Variants in DOCK7 observed in about 807,000 individuals in gnomAD.
DOCK7 encodes the protein dedicator of cytokinesis 7.
DOCK7 carries 138 observed loss-of-function variants against 271.0 expected under a neutral mutation model. The observed-to-expected ratio is 0.51, with a 90% CI of 0.44 to 0.59. DOCK7 has a LOEUF of 0.59. DOCK7 is among the 20% of genes least tolerant of loss of function. DOCK7 has a pLI of 0.00. For missense variants in DOCK7, 2,066 were observed against 2,592.4 expected, an observed-to-expected ratio of 0.80 and a Z score of 4.41; for synonymous variants, 823 against 876.1, an observed-to-expected ratio of 0.94 and a Z score of 1.07.
At chr1:62,570,006 G>A (rs531101368) in intron 18 of DOCK7, among the ~76,000 whole-genome samples, 1 of 151,996 alleles carries the variant, frequency 6.6e-6, no homozygotes, top group Admixed American at 6.6e-5. Context: ...GGGCCACTGC[G>A]TCCAGCCACC....
chr1:62,645,317 T>G (rs191095013), intron 7 of DOCK7, among the ~76,000 whole-genome samples: 1 of 152,030 alleles, frequency 6.6e-6, no homozygotes, highest in Admixed American at 6.6e-5. Flanking sequence ...ATGTGGCATA[T>G]GCATCAATGG....
Position 62,527,601 on chromosome 1 carries a change from C to G in DOCK7, c.3936+550G>C, listed in dbSNP as rs1428201678. ...TAGGGACATGGACGAAGCTGGAAAC[C>G]ATCATTCTCAGCAAACTATTGCAAG... On this transcript the variant is annotated intron_variant, in intron 31 of 49. Coordinates refer to ENST00000635253, the MANE Select transcript of DOCK7 (RefSeq NM_001367561.1). Among the ~76,000 whole-genome samples, 3 of 151,914 alleles carry G rather than the reference C, an allele frequency of 2.0e-5. No homozygotes were observed. The East Asian group carries it at 5.8e-4, about 29-fold the overall frequency.
chr1:62,516,868 C>A (rs969551502), intron 31 of DOCK7: 1 of 152,362 alleles, frequency 6.6e-6, no homozygotes, highest in Non-Finnish European at 1.5e-5. Flanking sequence ...CATGGTCAAT[C>A]ATTAACAAAA....
chr1:62,600,363 A>G (rs1649927175), intron 14 of DOCK7, among the ~76,000 whole-genome samples: 2 of 151,814 alleles, frequency 1.3e-5, no homozygotes, highest in South Asian at 4.1e-4. Context: ...AATACCCAGC[A>G]AGCAAACTTT....
chr1:62,470,878 T>G (rs567939053), intron 48 of DOCK7, among the ~76,000 whole-genome samples: 26 of 152,138 alleles, frequency 1.7e-4, no homozygotes, highest in African/African-American at 6.0e-4. Flanking sequence ...AAAATTATGA[T>G]GTCTGTAAAG....
chr1:62,589,287 C>A (rs941301958), intron 14 of DOCK7, among the ~76,000 whole-genome samples: 13 of 152,096 alleles, frequency 8.5e-5, no homozygotes, highest in African/African-American at 3.1e-4. Context: ...TATTTTTTAG[C>A]ATCATTTATA....
At chr1:62,634,959 A>T in intron 8 of DOCK7, 37 bp from the exon 9 acceptor site, 1 of 1,455,104 alleles carries the variant, frequency 6.9e-7, no homozygotes, top group Non-Finnish European at 9.5e-7. Flanking sequence ...TAAAATATGT[A>T]CATTTTACAG....
At position 62,455,081 on chromosome 1, in the gene DOCK7, A is replaced by C. The variant is rs1335364776; in HGVS notation, c.*333T>G. ...TTACTACATTTAAAATGGTTCCAAA[A>C]TGAATCTATAAATGGTAATATAAAT... On this transcript the variant is annotated 3_prime_UTR_variant, in exon 50 of 50. Transcript: ENST00000635253. The C allele has an allele frequency of 8.2e-6, 4 of 489,640 alleles. No homozygotes were observed. Among genetic ancestry groups the C allele is most frequent in the Non-Finnish European group, 1.4e-5 (4 of 279,396 alleles). 30.3% of individuals were successfully genotyped at this position (489,640 alleles called of 1,614,324 possible).
chr1:62,538,169 T>A, intron 27 of DOCK7, 108 bp from the exon 28 acceptor site: 1 of 1,261,342 alleles, frequency 7.9e-7, no homozygotes, highest in Non-Finnish European at 1.1e-6. Context: ...TGGTATCCAG[T>A]TTGGGTTTTG....
rs145153925 is a variant in DOCK7, at chr1:62,669,093, T to A, written c.39-5963A>T. Among the ~76,000 whole-genome samples, 584 of 152,274 alleles carry A rather than the reference T, an allele frequency of 3.8e-3. 6 individuals carry two copies. The highest frequency in any genetic ancestry group is 0.013 in the African/African-American group (531 of 41,538). On this transcript the variant is annotated intron_variant, in intron 1 of 49. Transcript: ENST00000635253. ...TGTTCCATACAATTGAGTGTCTAAA[T>A]CTGTTTGGACACTCCTCCCTATACT...
chr1:62,517,067 T>C (rs1490909132), intron 31 of DOCK7, among the ~76,000 whole-genome samples: 1 of 152,214 alleles, frequency 6.6e-6, no homozygotes, highest in Non-Finnish European at 1.5e-5. Context: ...ACACTACTTT[T>C]TGTCACAGTT....
chr1:62,553,312 TTATATATATATATATATATATA>T (rs1370176103), intron 21 of DOCK7, among the ~76,000 whole-genome samples: 1 of 20,586 alleles, frequency 4.9e-5, no homozygotes, highest in African/African-American at 2.0e-4. Flanking sequence ...AAAAAGTATT[TTATATATATATATATATATATA>T]TATATATATA....
chr1:62,630,552 A>G (rs1338358514), intron 11 of DOCK7, among the ~76,000 whole-genome samples: 3 of 152,116 alleles, frequency 2.0e-5, no homozygotes, highest in Non-Finnish European at 4.4e-5. Flanking sequence ...CTACCACTTA[A>G]GACATGCCAA....
rs545076416 is a variant in DOCK7, at chr1:62,648,040, A to G, written c.732+66T>C. On this transcript the variant is annotated intron_variant, in intron 6 of 49. Transcript: ENST00000635253. ...TCCTCTACATTTTGTAATACTATATATCAATCATAATCCCAAAAGATCAAT... is the reference window on the plus strand; with the variant it reads ...TCCTCTACATTTTGTAATACTATATGTCAATCATAATCCCAAAAGATCAAT... 3 of 1,445,182 alleles carry G rather than the reference A, an allele frequency of 2.1e-6. No homozygotes were observed. In the East Asian group the frequency reaches 6.8e-5, roughly 33 times the overall value. The allele number at this position is 1,445,182 out of a possible 1,614,324, so 89.5% of individuals were successfully genotyped here. A position where few individuals can be genotyped will look rare whatever the true frequency, so the allele number is the denominator to read the frequency against.
chr1:62,520,815 G>T (rs1445836256), intron 31 of DOCK7, among the ~76,000 whole-genome samples: 3 of 152,172 alleles, frequency 2.0e-5, no homozygotes, highest in African/African-American at 7.2e-5. Flanking sequence ...TATGTTTACT[G>T]TGGCACTATT....
chr1:62,601,919 T>C, intron 14 of DOCK7: 1 of 1,292,998 alleles, frequency 7.7e-7, no homozygotes, highest in South Asian at 1.2e-5. Context: ...AGTAGTTAGT[T>C]CAACTTACTC....
intron 14 of DOCK7, chr1:62,601,065 T>G: frequency 7.0e-7 from 1 of 1,430,836 alleles, no homozygotes; most frequent in Non-Finnish European, 9.9e-7. Context: ...AAAAACAGAT[T>G]TATATTCTTT....
chr1:62,519,424 T>C (rs770315544), intron 31 of DOCK7, among the ~76,000 whole-genome samples: 2 of 152,170 alleles, frequency 1.3e-5, no homozygotes, highest in East Asian at 1.9e-4. Flanking sequence ...TCTCTGATCA[T>C]TTAATTTGGC....
At chr1:62,645,259 C>T (rs1485298010) in intron 7 of DOCK7, among the ~76,000 whole-genome samples, 1 of 152,014 alleles carries the variant, frequency 6.6e-6, no homozygotes, top group Non-Finnish European at 1.5e-5. Context: ...AAATTATCAA[C>T]TTAGCCAAAA....
Sources: allele counts gnomAD v4.1 joint callset (sites outside exome capture counted in the v4.1 genomes callset), GRCh38; gene constraint gnomAD v4.1.1; transcripts MANE v1.5; gene names NCBI Gene and HGNC (gene_info 2026-07-23, HGNC 2026-07-21).